The following CACNA2D1 variants were observed in gnomAD, a reference collection of about 807,000 sequenced individuals.
CACNA2D1 encodes the protein calcium voltage-gated channel auxiliary subunit alpha2delta 1.
CACNA2D1 carries 53 observed loss-of-function variants against 171.5 expected under a neutral mutation model. That is an observed-to-expected ratio of 0.31 (90% CI 0.25 to 0.39). CACNA2D1 has a LOEUF of 0.39. Among genes scored for constraint, CACNA2D1 ranks in the 10% least tolerant of loss-of-function variants. The pLI is 1.00. For missense variants in CACNA2D1, 903 were observed against 1,299.8 expected, an observed-to-expected ratio of 0.69 and a Z score of 4.69; for synonymous variants, 442 against 443.1, an observed-to-expected ratio of 1.00 and a Z score of 0.03.
intron 3 of CACNA2D1, among the ~76,000 whole-genome samples, chr7:82,189,722 A>AAAGAATACATAAGGGAG (rs1367057750): frequency 6.6e-6 from 1 of 151,868 alleles, no homozygotes; most frequent in East Asian, 1.9e-4. Context: ...TTGACACAGA[A>AAAGAATACATAAGGGAG]AAGAATACAT....
chr7:82,266,384 T>G (rs927450858), intron 3 of CACNA2D1, among the ~76,000 whole-genome samples: 6 of 152,188 alleles, frequency 3.9e-5, no homozygotes, highest in African/African-American at 1.4e-4. Flanking sequence ...TAGCAGAAAA[T>G]TTCATGAAAA....
intron 4 of CACNA2D1, among the ~76,000 whole-genome samples, chr7:82,139,536 G>A (rs2129084492): frequency 6.6e-6 from 1 of 152,186 alleles, no homozygotes; most frequent in East Asian, 1.9e-4. Flanking sequence ...ACAATGATGA[G>A]CACTCTAAAC....
At chr7:81,995,536 T>C (rs546932811) in intron 19 of CACNA2D1, among the ~76,000 whole-genome samples, 1 of 152,220 alleles carries the variant, frequency 6.6e-6, no homozygotes, top group South Asian at 2.1e-4. Context: ...CAGTGGCTCA[T>C]GCCTGTAATT....
rs956641177 is a variant in CACNA2D1 at position 81,947,910 on chromosome 7, A to G, written c.*2482T>C. The G allele has an allele frequency of 1.3e-5, 2 of 151,888 alleles. No homozygotes were observed. The highest frequency in any genetic ancestry group is 1.3e-4 in the Admixed American group (2 of 15,226). The allele number at this position is 151,888 out of a possible 1,614,324, so 9.4% of individuals were successfully genotyped here. ...TATGGTTGTCATAATATATAACTTT[A>G]TAGCAGAAAATAAAGGTTTATAGCA... On this transcript the variant is annotated 3_prime_UTR_variant, in exon 39 of 39. Coordinates refer to ENST00000356860, the MANE Select transcript of CACNA2D1 (RefSeq NM_000722.4).
chr7:82,377,539 C>T (rs1253670808), intron 1 of CACNA2D1, among the ~76,000 whole-genome samples: 2 of 152,172 alleles, frequency 1.3e-5, no homozygotes, highest in Admixed American at 6.5e-5. Flanking sequence ...TCAAGGTATA[C>T]TCCCTCACCT....
Position 82,200,257 on chromosome 7 carries a change from T to A in CACNA2D1, c.295-29648A>T, listed in dbSNP as rs186858623. On this transcript the variant is annotated intron_variant, in intron 3 of 38. Transcript: ENST00000356860. ...AAAAGCAAGGTTATCCAACAGAATT[T>A]TTAGTGTAAATAAATATATCACATA... Among the ~76,000 whole-genome samples, 75 of 152,184 alleles carry A rather than the reference T, an allele frequency of 4.9e-4. No individual in the cohort carries two copies. In the East Asian group the frequency reaches 0.011, roughly 22 times the overall value.
At position 82,251,385 on chromosome 7, in the gene CACNA2D1, T is replaced by C. The variant is rs192387035; in HGVS notation, c.295-80776A>G. ...AATTATCTATATCTTGATAGTAATT[T>C]GTTATACATTGCTGTAGGCTTCTGT... On this transcript the variant is annotated intron_variant, in intron 3 of 38. Coordinates refer to ENST00000356860, the MANE Select transcript of CACNA2D1 (RefSeq NM_000722.4). Among the ~76,000 whole-genome samples the C allele has an allele frequency of 1.2e-3, 187 of 152,334 alleles. 2 individuals are homozygous for C. The highest frequency in any genetic ancestry group is 0.012 in the South Asian group (59 of 4,830).
intron 5 of CACNA2D1, among the ~76,000 whole-genome samples, chr7:82,118,830 T>C (rs138161316): frequency 9.5e-4 from 145 of 152,176 alleles, no homozygotes; most frequent in African/African-American, 3.4e-3. Flanking sequence ...TTGTTAAACA[T>C]ATTTTAAAAA....
chr7:82,061,671 G>T (rs1010748665), intron 9 of CACNA2D1, among the ~76,000 whole-genome samples: 3 of 152,192 alleles, frequency 2.0e-5, no homozygotes, highest in Non-Finnish European at 1.5e-5. Flanking sequence ...GGCCAGTCAT[G>T]CCAGACAGGA....
intron 12 of CACNA2D1, chr7:82,020,851 A>G (rs940330294): frequency 6.6e-6 from 1 of 152,174 alleles, no homozygotes; most frequent in Non-Finnish European, 1.5e-5. Context: ...CGGAGAGAAG[A>G]ATTTAATCGA....
chr7:82,273,247 T>C (rs1471047242), intron 3 of CACNA2D1, among the ~76,000 whole-genome samples: 1 of 151,844 alleles, frequency 6.6e-6, no homozygotes, highest in Non-Finnish European at 1.5e-5. Flanking sequence ...TAAATAATAA[T>C]AATATACCTT....
rs138386516 is a variant in CACNA2D1 at position 82,308,616 on chromosome 7, A to G, written c.294+26519T>C. Among the ~76,000 whole-genome samples, 24 of 152,304 alleles carry G rather than the reference A, an allele frequency of 1.6e-4. No individual in the cohort carries two copies. In the East Asian group the frequency reaches 4.6e-3, roughly 29 times the overall value. ...CTTCTTGTAAAAAAGATTTACACCT[A>G]TAAGAAAACTCTCCATTTGTAAGGG... On this transcript the variant is annotated intron_variant, in intron 3 of 38. Transcript: ENST00000356860.
rs750969626 is a variant in CACNA2D1, at chr7:81,961,979, T to C, written c.2881A>G (p.Ser961Gly). 21 of 1,612,440 alleles carry C rather than the reference T, an allele frequency of 1.3e-5. No homozygotes were observed. Among genetic ancestry groups the C allele is most frequent in the Non-Finnish European group, 1.8e-5 (21 of 1,178,936 alleles). ...TACTGGGTTTGTTCAGTAATGCAGC[T>C]CTGCTTGGACAGGGAGGCCGTGAAG... is the stretch of plus-strand genomic sequence containing the variant. ...DDFTASLSKQSCITEQTQYFF... is the reference protein window; with the variant it reads ...DDFTASLSKQGCITEQTQYFF... Residue 961 changes from serine to glycine, a missense_variant, in exon 36 of 39, where the codon AGC becomes GGC. Ser to Gly is a moderately conservative substitution (Grantham distance 56). Coordinates refer to ENST00000356860, the MANE Select transcript of CACNA2D1 (RefSeq NM_000722.4).
At chr7:82,308,535 C>A (rs1209769127) in intron 3 of CACNA2D1, among the ~76,000 whole-genome samples, 1 of 152,146 alleles carries the variant, frequency 6.6e-6, no homozygotes, top group Non-Finnish European at 1.5e-5. Flanking sequence ...GCCACCTGTT[C>A]AACTAAATGG....
chr7:82,241,697 A>G (rs1277509804), intron 3 of CACNA2D1, among the ~76,000 whole-genome samples: 2 of 151,870 alleles, frequency 1.3e-5, no homozygotes, highest in African/African-American at 4.8e-5. Flanking sequence ...GGATGCATGG[A>G]AGGGAGGGAG....
chr7:82,372,821 G>A (rs1219013949), intron 1 of CACNA2D1, among the ~76,000 whole-genome samples: 1 of 152,088 alleles, frequency 6.6e-6, no homozygotes, highest in Non-Finnish European at 1.5e-5. Context: ...TCAAGAGAAT[G>A]GTTTACAGTT....
intron 4 of CACNA2D1, among the ~76,000 whole-genome samples, chr7:82,166,430 C>T (rs897085091): frequency 2.0e-5 from 3 of 151,940 alleles, no homozygotes; most frequent in African/African-American, 4.8e-5. Flanking sequence ...ACATAAAGAT[C>T]CTACTTATTA....
chr7:82,176,007 A>C (rs1372717032), intron 3 of CACNA2D1, among the ~76,000 whole-genome samples: 1 of 152,016 alleles, frequency 6.6e-6, no homozygotes, highest in African/African-American at 2.4e-5. Context: ...CTATAAAACC[A>C]TAGGGTAACC....
chr7:82,213,416 T>C (rs181786185), intron 3 of CACNA2D1, among the ~76,000 whole-genome samples: 11 of 152,256 alleles, frequency 7.2e-5, no homozygotes, highest in Non-Finnish European at 1.6e-4. Flanking sequence ...GACAAGGTCA[T>C]AACACTTCCA....
Sources: gnomAD v4.1 joint callset for allele counts (sites outside exome capture counted in the v4.1 genomes callset) on GRCh38, gnomAD v4.1.1 for gene constraint, MANE v1.5 for transcripts, NCBI Gene and HGNC (gene_info 2026-07-23, HGNC 2026-07-21) for gene names.